STIL: variants seen among roughly 807,000 people sequenced by gnomAD.
The protein encoded by STIL is SCL-interrupting locus protein.
STIL carries 55 observed loss-of-function variants against 110.1 expected under a neutral mutation model. That is an observed-to-expected ratio of 0.50 (90% confidence interval 0.40 to 0.63). The LOEUF is 0.63. STIL is among the 20% of genes least tolerant of loss of function. The pLI is 0.00. For synonymous variants in STIL, 481 were observed against 530.0 expected, an observed-to-expected ratio of 0.91 and a Z score of 1.27; for missense variants, 1,358 against 1,530.0, an observed-to-expected ratio of 0.89 and a Z score of 1.87.
chr1:47,288,559 A>C (rs2149057420), intron 9 of STIL, among the ~76,000 whole-genome samples: 1 of 152,028 alleles, frequency 6.6e-6, no homozygotes, highest in South Asian at 2.1e-4. Context: ...GGCCTCCCAA[A>C]GTGCTGGGAT....
chr1:47,285,215 A>G (rs1460887243), intron 10 of STIL, among the ~76,000 whole-genome samples: 1 of 151,962 alleles, frequency 6.6e-6, no homozygotes, highest in Non-Finnish European at 1.5e-5. Flanking sequence ...CTGTTTTTGT[A>G]GAGGCAGGGT....
rs1174731720 is a variant in STIL, at chr1:47,301,735, T to C, written c.279A>G (p.Val93=). ...SLTADEDEEG[V]TLTVDRFDPG... ...GATCAAAGCGATCTACTGTCAATGTTACACCTTCTTCATCTGTAGAACAAA... is the reference window on the plus strand; with the variant it reads ...GATCAAAGCGATCTACTGTCAATGTCACACCTTCTTCATCTGTAGAACAAA... The change falls in exon 5 of 17, where the codon GTA becomes GTG. Residue 93 remains valine (V), a synonymous_variant. Transcript: ENST00000371877. 3 of 1,613,940 alleles carry C rather than the reference T, an allele frequency of 1.9e-6. No homozygotes were observed. The highest frequency in any genetic ancestry group is 1.7e-6 in the Non-Finnish European group (2 of 1,179,988).
At position 47,300,032 on chromosome 1, in the gene STIL, C is replaced by T. The variant is rs1218590795; in HGVS notation, c.574G>A (p.Ala192Thr). Residue 192 changes from alanine to threonine, a missense_variant, in exon 6 of 17, where the codon GCA (alanine) becomes ACA (threonine). Ala to Thr is a moderately conservative substitution (Grantham distance 58). Coordinates refer to ENST00000371877, the MANE Select transcript of STIL (RefSeq NM_001048166.1). The part of the protein sequence containing the change: ...DSVEFDLHWA[A>T]VTLANNFKCT... ...TTAAAGTTATTTGCTAGAGTTACTGCTGCCCAATGCAAGTCAAATTCCACA... is the reference window on the plus strand; with the variant it reads ...TTAAAGTTATTTGCTAGAGTTACTGTTGCCCAATGCAAGTCAAATTCCACA... The T allele has an allele frequency of 6.2e-7, 1 of 1,614,026 alleles. No homozygotes were observed. Among genetic ancestry groups the T allele is most frequent in the Non-Finnish European group, 8.5e-7 (1 of 1,180,022 alleles).
Position 47,280,840 on chromosome 1 carries a change from T to A in STIL, c.1618A>T (p.Thr540Ser). Reference protein sequence around the residue: ...PSHDIFEKLQTVSAGNVQNEE... With the variant: ...PSHDIFEKLQSVSAGNVQNEE... ...TTTTGTACATTTCCAGCAGAAACTG[T>A]TTGGAGCTTTTCAAATATATCATGA... is the stretch of plus-strand genomic sequence containing the variant. The change falls in exon 12 of 17, where the codon ACA becomes TCA. Residue 540 changes from threonine (T) to serine (S), a missense_variant. By Grantham distance (58) the Thr-to-Ser change is moderately conservative (BLOSUM62 1). Transcript: ENST00000371877. 6.2e-7 allele frequency: 1 copy of A among 1,614,194 alleles called. No homozygotes were observed. The highest frequency in any genetic ancestry group is 8.5e-7 in the Non-Finnish European group (1 of 1,180,028).
At chr1:47,291,994 G>A (rs1023492460) in intron 8 of STIL, among the ~76,000 whole-genome samples, 1 of 151,574 alleles carries the variant, frequency 6.6e-6, no homozygotes, top group African/African-American at 2.4e-5. Flanking sequence ...TGGGACTACA[G>A]GCATGTGTCA....
chr1:47,256,008 G>A (rs1644317931), intron 16 of STIL, among the ~76,000 whole-genome samples: 1 of 152,140 alleles, frequency 6.6e-6, no homozygotes, highest in African/African-American at 2.4e-5. Flanking sequence ...CAGAGCTAGA[G>A]GAACAGCATG....
chr1:47,314,723 G>A (rs937978233), upstream of STIL, among the ~76,000 whole-genome samples: 2 of 136,284 alleles, frequency 1.5e-5, no homozygotes, highest in African/African-American at 5.7e-5. Flanking sequence ...CTGTTTTAGT[G>A]ACATAATTTT....
chr1:47,278,351 C>T (rs1645049404), intron 12 of STIL, among the ~76,000 whole-genome samples: 1 of 151,678 alleles, frequency 6.6e-6, no homozygotes, highest in East Asian at 1.9e-4. Context: ...AAAAGTGGTA[C>T]CTAAAAATTT....
upstream of STIL, chr1:47,314,199 C>T (rs1297259408): frequency 2.0e-5 from 3 of 152,296 alleles, no homozygotes; most frequent in Admixed American, 1.3e-4. Flanking sequence ...CGCCTGCTGA[C>T]TGGTCAGAAA....
At chr1:47,299,879 TTTAGA>T (rs759007707) in intron 6 of STIL, 21 bp downstream of exon 6, 46 of 1,604,532 alleles carry the variant, frequency 2.9e-5, no homozygotes, top group Non-Finnish European at 3.7e-5. Context: ...GCAACTAACA[TTTAGA>T]TTAATGTATC....
chr1:47,292,111 C>G (rs1645509392), intron 8 of STIL, among the ~76,000 whole-genome samples: 1 of 151,842 alleles, frequency 6.6e-6, no homozygotes, highest in Admixed American at 6.6e-5. Flanking sequence ...ATCCTCCTGC[C>G]TCAGCCTCCC....
At chr1:47,254,610 G>A (rs1193224627) in intron 16 of STIL, among the ~76,000 whole-genome samples, 1 of 151,614 alleles carries the variant, frequency 6.6e-6, no homozygotes, top group Non-Finnish European at 1.5e-5. Flanking sequence ...GGCTCACCAT[G>A]GCATCGACCT....
chr1:47,268,832 G>A (rs1391348586), intron 14 of STIL, among the ~76,000 whole-genome samples: 2 of 151,856 alleles, frequency 1.3e-5, no homozygotes, highest in East Asian at 1.9e-4. Context: ...GGTGGCTCAC[G>A]CCTGTAATCC....
At chr1:47,291,859 C>T (rs1050962505) in intron 8 of STIL, among the ~76,000 whole-genome samples, 1 of 151,872 alleles carries the variant, frequency 6.6e-6, no homozygotes, top group African/African-American at 2.4e-5. Flanking sequence ...AGCCACCATG[C>T]CTGGCCTATT....
chr1:47,293,633 T>G, intron 7 of STIL, 89 bp from the exon 8 acceptor site: 2 of 1,098,822 alleles, frequency 1.8e-6, no homozygotes, highest in South Asian at 2.6e-5. Flanking sequence ...AGTAGACGTA[T>G]GGCTTTTATC....
At position 47,305,893 on chromosome 1, in the gene STIL, A is replaced by G. The variant is rs7545862; in HGVS notation, c.45-897T>C. On this transcript the variant is annotated intron_variant, in intron 2 of 16. Transcript: ENST00000371877. ...ATTACAGGCGCCTGCCACCACACGC[A>G]GGTAATTTTTTGTATCTTTAGTAGA... Among the ~76,000 whole-genome samples, 1,239 of 151,228 alleles carry G rather than the reference A, an allele frequency of 8.2e-3. 12 individuals carry two copies. Among genetic ancestry groups the G allele is most frequent in the African/African-American group, 0.028 (1,165 of 41,170 alleles).
At chr1:47,313,855 A>G (rs889444791) in intron 1 of STIL, among the ~76,000 whole-genome samples, 181 bp downstream of exon 1, 1 of 152,228 alleles carries the variant, frequency 6.6e-6, no homozygotes. Flanking sequence ...ACCTTAGCTC[A>G]GATGATACCC....
At chr1:47,313,704 G>A (rs1646206680) in intron 1 of STIL, among the ~76,000 whole-genome samples, 1 of 152,166 alleles carries the variant, frequency 6.6e-6, no homozygotes, top group African/African-American at 2.4e-5. Flanking sequence ...AACATTAACT[G>A]ATCCCTTACT....
At chr1:47,294,132 T>C (rs932713011) in intron 7 of STIL, among the ~76,000 whole-genome samples, 1 of 152,214 alleles carries the variant, frequency 6.6e-6, no homozygotes, top group Non-Finnish European at 1.5e-5. Flanking sequence ...TTCCCTTACA[T>C]GGGTTCCCTT....
Sources: allele counts gnomAD v4.1 joint callset (sites outside exome capture counted in the v4.1 genomes callset), GRCh38; gene constraint gnomAD v4.1.1; transcripts MANE v1.5; gene names NCBI Gene and HGNC (gene_info 2026-07-23, HGNC 2026-07-21).